The following ZDHHC13 variants were observed in gnomAD, a reference collection of about 807,000 sequenced individuals.
ZDHHC13 encodes the protein palmitoyltransferase ZDHHC13.
ZDHHC13 carries 85 observed loss-of-function variants against 86.0 expected under a neutral mutation model. The observed-to-expected ratio is 0.99, with a 90% confidence interval of 0.83 to 1.18. ZDHHC13 has a LOEUF of 1.18. Ranked by LOEUF, ZDHHC13 falls within the 50% of genes most tolerant of loss-of-function variation. ZDHHC13 has a pLI of 0.00. For missense variants in ZDHHC13, 711 were observed against 730.2 expected (o/e 0.97, Z 0.30); for synonymous variants, 263 against 246.4 (o/e 1.07, Z -0.63).
chr11:19,142,922 T>G, intron 1 of ZDHHC13, 56 bp from the exon 2 acceptor site: 3 of 1,501,590 alleles, frequency 2.0e-6, no homozygotes, highest in Non-Finnish European at 2.7e-6. Context: ...CTTCATTATG[T>G]AATTGAGTGT....
At chr11:19,128,765 A>G (rs1590061406) in intron 1 of ZDHHC13, among the ~76,000 whole-genome samples, 1 of 152,234 alleles carries the variant, frequency 6.6e-6, no homozygotes, top group African/African-American at 2.4e-5. Context: ...GGTGAAAGCT[A>G]GGTAACTTTA....
chr11:19,149,753 A>G (rs890555336), intron 5 of ZDHHC13, among the ~76,000 whole-genome samples: 3 of 152,232 alleles, frequency 2.0e-5, no homozygotes, highest in African/African-American at 7.2e-5. Context: ...ATTGTTCTCT[A>G]AAGTAATTCC....
intron 1 of ZDHHC13, among the ~76,000 whole-genome samples, chr11:19,134,106 T>C (rs1228382025): frequency 6.6e-6 from 1 of 151,720 alleles, no homozygotes; most frequent in Non-Finnish European, 1.5e-5. Context: ...ACTAATAATC[T>C]CCTGAGGAGA....
At chr11:19,134,777 A>G (rs1281054551) in intron 1 of ZDHHC13, among the ~76,000 whole-genome samples, 2 of 152,216 alleles carry the variant, frequency 1.3e-5, no homozygotes, top group African/African-American at 2.4e-5. Flanking sequence ...TGATGGGTGC[A>G]GCAAACCACC....
At chr11:19,171,685 ATCTT>A (rs760246787) in intron 15 of ZDHHC13, among the ~76,000 whole-genome samples, 7 of 152,162 alleles carry the variant, frequency 4.6e-5, no homozygotes, top group Non-Finnish European at 8.8e-5. Flanking sequence ...GTTTCTAATT[ATCTT>A]TCTTTTTTTC....
At chr11:19,156,181 T>C (rs1849752210) in intron 9 of ZDHHC13, among the ~76,000 whole-genome samples, 1 of 152,202 alleles carries the variant, frequency 6.6e-6, no homozygotes. Flanking sequence ...CACGTTTTAA[T>C]TGTTATTTTT....
chr11:19,174,491 A>G (rs536994824), intron 16 of ZDHHC13, among the ~76,000 whole-genome samples: 2 of 152,310 alleles, frequency 1.3e-5, no homozygotes, highest in Admixed American at 6.5e-5. Context: ...ACTGGCAGCA[A>G]TGCCATCATC....
At chr11:19,119,250 A>G (rs1848709836) in intron 1 of ZDHHC13, among the ~76,000 whole-genome samples, 1 of 152,084 alleles carries the variant, frequency 6.6e-6, no homozygotes, top group South Asian at 2.1e-4. Context: ...AGCTGGAACT[A>G]TAGGTGCGGA....
At chr11:19,164,861 G>C (rs540189034) in intron 12 of ZDHHC13, 191 bp from the exon 13 acceptor site, 1 of 576,978 alleles carries the variant, frequency 1.7e-6, no homozygotes, top group East Asian at 2.9e-5. Context: ...ATCCCACTTA[G>C]TGATGTCCTA....
intron 4 of ZDHHC13, 99 bp downstream of exon 4, chr11:19,147,772 T>TCCC (rs146892489): frequency 0.014 from 5,749 of 406,740 alleles, 102 homozygotes; most frequent in Non-Finnish European, 0.018. Flanking sequence ...TGTCTTTTCT[T>TCCC]CCCCCCCCCC....
intron 1 of ZDHHC13, among the ~76,000 whole-genome samples, chr11:19,140,673 C>G (rs1270806748): frequency 6.6e-6 from 1 of 151,970 alleles, no homozygotes; most frequent in Non-Finnish European, 1.5e-5. Flanking sequence ...ACCCAAATGT[C>G]CAACAATGAT....
chr11:19,150,663 T>A, intron 5 of ZDHHC13, 64 bp from the exon 6 acceptor site: 1 of 1,385,694 alleles, frequency 7.2e-7, no homozygotes, highest in African/African-American at 1.4e-5. Flanking sequence ...GATATTTCTA[T>A]TAAGAGAACA....
At chr11:19,136,939 C>G (rs1849159193) in intron 1 of ZDHHC13, among the ~76,000 whole-genome samples, 1 of 152,112 alleles carries the variant, frequency 6.6e-6, no homozygotes, top group African/African-American at 2.4e-5. Flanking sequence ...AAAGGAACAA[C>G]AGATACCAGC....
At chr11:19,140,207 A>G (rs1590069945) in intron 1 of ZDHHC13, among the ~76,000 whole-genome samples, 1 of 151,626 alleles carries the variant, frequency 6.6e-6, no homozygotes, top group Admixed American at 6.6e-5. Context: ...ATGAACTCCA[A>G]CAAATTTACA....
intron 8 of ZDHHC13, among the ~76,000 whole-genome samples, 173 bp downstream of exon 8, chr11:19,152,857 T>A (rs1849651662): frequency 6.6e-6 from 1 of 152,146 alleles, no homozygotes; most frequent in African/African-American, 2.4e-5. Flanking sequence ...GGCACTTTCA[T>A]TGGCTATTTA....
intron 1 of ZDHHC13, among the ~76,000 whole-genome samples, chr11:19,119,434 C>G (rs116109571): frequency 6.6e-6 from 1 of 152,166 alleles, no homozygotes; most frequent in Non-Finnish European, 1.5e-5. Flanking sequence ...CTTGCTTGCC[C>G]GGTCATCCCC....
At chr11:19,129,876 A>C (rs920717485) in intron 1 of ZDHHC13, among the ~76,000 whole-genome samples, 2 of 152,076 alleles carry the variant, frequency 1.3e-5, no homozygotes, top group Non-Finnish European at 2.9e-5. Context: ...GTGGATCATG[A>C]GGTCAGGAGA....
chr11:19,126,711 C>T (rs563880332), intron 1 of ZDHHC13, among the ~76,000 whole-genome samples: 8 of 152,064 alleles, frequency 5.3e-5, no homozygotes, highest in African/African-American at 1.9e-4. Flanking sequence ...TAAGTGAGAA[C>T]ATGCAGTATT....
intron 2 of ZDHHC13, among the ~76,000 whole-genome samples, chr11:19,143,810 T>G (rs890283329): frequency 6.6e-6 from 1 of 152,214 alleles, no homozygotes; most frequent in Non-Finnish European, 1.5e-5. Flanking sequence ...TATTAACATC[T>G]ATCACACCTC....
Sources: gnomAD v4.1 joint callset for allele counts (sites outside exome capture counted in the v4.1 genomes callset) on GRCh38, gnomAD v4.1.1 for gene constraint, MANE v1.5 for transcripts, NCBI Gene and HGNC (gene_info 2026-07-23, HGNC 2026-07-21) for gene names.